ERCC8: variants seen among roughly 807,000 people sequenced by gnomAD.
The protein encoded by ERCC8 is ERCC excision repair 8, CSA ubiquitin ligase complex subunit.
ERCC8 carries 52 observed loss-of-function variants against 54.9 expected under a neutral mutation model. That is an observed-to-expected ratio of 0.95 (90% CI 0.76 to 1.19). The LOEUF (loss-of-function observed/expected upper bound fraction) is 1.19. Ranked by LOEUF, ERCC8 falls within the 50% of genes most tolerant of loss-of-function variation. The probability of loss-of-function intolerance (pLI) is 0.00; values close to 1 mark genes in which losing one functional copy is unlikely to be tolerated. For missense variants in ERCC8, 514 were observed against 466.1 expected (o/e 1.10, Z -0.95); for synonymous variants, 146 against 157.2 (o/e 0.93, Z 0.53).
intron 3 of ERCC8, among the ~76,000 whole-genome samples, 188 bp downstream of exon 3, chr5:60,921,864 CAT>C (rs996919051): frequency 6.6e-6 from 1 of 151,812 alleles, no homozygotes; most frequent in Non-Finnish European, 1.5e-5. Context: ...GGGGAAGACA[CAT>C]GTTAAAAAAC....
At chr5:60,893,766 T>C (rs544634685) in intron 9 of ERCC8, 5 of 335,556 alleles carry the variant, frequency 1.5e-5, no homozygotes, top group Admixed American at 4.4e-5. Context: ...GCGGGGCTTC[T>C]CCCTTCCCTT....
chr5:60,905,448 C>T (rs1351120260), intron 4 of ERCC8, among the ~76,000 whole-genome samples: 3 of 152,212 alleles, frequency 2.0e-5, no homozygotes, highest in Non-Finnish European at 2.9e-5. Context: ...CCAAGGTCAA[C>T]TGCCAATATC....
In ERCC8 at chr5:60,898,398, T is replaced by C. The variant is rs1748779388; in HGVS notation, c.721A>G (p.Asn241Asp). Residue 241 changes from asparagine to aspartate, a missense_variant and splice_region_variant, in exon 9 of 12, where the codon AAC (asparagine) becomes GAC (aspartate). Physicochemically the swap from Asn to Asp is conservative, Grantham distance 23. Transcript: ENST00000676185. ...GKKSQAVESA[N>D]TAHNGKVNGL... ...TTAACTTTCCCATTATGAGCAGTGT[T>C]TGCTGCAATGAAAAACATAGTTCAG... 1.2e-6 allele frequency: 2 copies of C among 1,613,448 alleles called. No individual in the cohort carries two copies. The highest frequency in any genetic ancestry group is 1.7e-6 in the Non-Finnish European group (2 of 1,179,540).
At chr5:60,878,489 T>A (rs1014217606) in intron 11 of ERCC8, among the ~76,000 whole-genome samples, 1 of 152,214 alleles carries the variant, frequency 6.6e-6, no homozygotes, top group Non-Finnish European at 1.5e-5. Context: ...CGGCTGTCAA[T>A]CCATCTGGTC....
At chr5:60,886,207 G>A (rs1748385644) in intron 11 of ERCC8, among the ~76,000 whole-genome samples, 1 of 151,818 alleles carries the variant, frequency 6.6e-6, no homozygotes, top group Admixed American at 6.6e-5. Flanking sequence ...TCTTCCTACT[G>A]CTTGATGTGA....
intron 11 of ERCC8, among the ~76,000 whole-genome samples, chr5:60,880,598 A>G (rs1445921362): frequency 3.3e-5 from 5 of 151,846 alleles, no homozygotes; most frequent in Non-Finnish European, 7.4e-5. Context: ...TTCTCTTCTC[A>G]CTTCATTTCA....
At chr5:60,891,125 T>C (rs776663724) in intron 9 of ERCC8, 39 bp from the exon 10 acceptor site, 1 of 1,370,974 alleles carries the variant, frequency 7.3e-7, no homozygotes, top group African/African-American at 1.4e-5. Context: ...ATCTCTGAAA[T>C]CTGAATTTAA....
chr5:60,935,697 C>T (rs1750043343), intron 1 of ERCC8, among the ~76,000 whole-genome samples: 1 of 152,030 alleles, frequency 6.6e-6, no homozygotes, highest in South Asian at 2.1e-4. Flanking sequence ...CTTTTATTAC[C>T]TTAAGGTATG....
chr5:60,891,624 T>G (rs565913220), intron 9 of ERCC8, among the ~76,000 whole-genome samples: 7 of 150,930 alleles, frequency 4.6e-5, no homozygotes, highest in East Asian at 1.9e-4. Context: ...TGGTATTTTT[T>G]GGGGAGGGGG....
intron 2 of ERCC8, among the ~76,000 whole-genome samples, chr5:60,926,269 T>C (rs2112528711): frequency 6.6e-6 from 1 of 152,322 alleles, no homozygotes; most frequent in East Asian, 1.9e-4. Context: ...GATAAGGAGC[T>C]TGTACCAGAA....
chr5:60,893,933 C>T (rs956283247), intron 9 of ERCC8, among the ~76,000 whole-genome samples: 4 of 151,886 alleles, frequency 2.6e-5, no homozygotes, highest in African/African-American at 7.3e-5. Context: ...ACCCATTAAA[C>T]AGCAAAGATA....
At chr5:60,895,577 G>A (rs1748701305) in intron 9 of ERCC8, among the ~76,000 whole-genome samples, 1 of 152,060 alleles carries the variant, frequency 6.6e-6, no homozygotes, top group Non-Finnish European at 1.5e-5. Flanking sequence ...GAAAGCACCT[G>A]GAACACAAAG....
In ERCC8 at chr5:60,935,051, C is replaced by A. The variant is rs537285965; in HGVS notation, c.78-6092G>T. On this transcript the variant is annotated intron_variant, in intron 1 of 11. Coordinates refer to ENST00000676185, the MANE Select transcript of ERCC8 (RefSeq NM_000082.4). Reference sequence around the variant, plus strand: ...TAGTCTTGTTTTGGCTATGCAGGCTCTTTTTTCCTAGTTCTGTGAAGAATG... The same window carrying A: ...TAGTCTTGTTTTGGCTATGCAGGCTATTTTTTCCTAGTTCTGTGAAGAATG... 7.9e-5 allele frequency among the ~76,000 whole-genome samples: 12 copies of A among 152,062 alleles called. 1 individual carries two copies. Among genetic ancestry groups the A allele is most frequent in the African/African-American group, 2.7e-4 (11 of 41,504 alleles).
chr5:60,938,005 A>G (rs1417165604), intron 1 of ERCC8, among the ~76,000 whole-genome samples: 1 of 142,930 alleles, frequency 7.0e-6, no homozygotes, highest in East Asian at 2.1e-4. Flanking sequence ...GTTAATATGT[A>G]TGCGTGTGTG....
chr5:60,898,205 A>G, intron 9 of ERCC8, 71 bp downstream of exon 9: 5 of 1,489,390 alleles, frequency 3.4e-6, no homozygotes, highest in Non-Finnish European at 4.6e-6. Flanking sequence ...TTAAATATAT[A>G]AAAAAATCAA....
At chr5:60,909,243 GAAAAAAAAAAAAAAAAAAAAAAA>G (rs60064294) in intron 4 of ERCC8, among the ~76,000 whole-genome samples, 3 of 19,932 alleles carry the variant, frequency 1.5e-4, no homozygotes, top group African/African-American at 5.1e-4. Flanking sequence ...GCCCTATTCT[GAAAAAAAAAAAAAAAAAAAAAAA>G]AAAAAAAAAA....
intron 11 of ERCC8, among the ~76,000 whole-genome samples, chr5:60,875,426 C>G (rs1422771304): frequency 3.3e-5 from 5 of 152,244 alleles, no homozygotes; most frequent in Non-Finnish European, 5.9e-5. Context: ...TGATTAGCAA[C>G]TACAGAAATT....
At chr5:60,884,249 G>A (rs551277340) in intron 11 of ERCC8, among the ~76,000 whole-genome samples, 29 of 152,196 alleles carry the variant, frequency 1.9e-4, no homozygotes, top group African/African-American at 6.3e-4. Context: ...GGAGGCCGAG[G>A]CGGGTGGATC....
intron 5 of ERCC8, among the ~76,000 whole-genome samples, 194 bp from the exon 6 acceptor site, chr5:60,903,910 TAA>T (rs1748977281): frequency 6.6e-6 from 1 of 152,112 alleles, no homozygotes. Context: ...ATTTTAGTAG[TAA>T]GAGACCTCTA....
Sources: allele counts gnomAD v4.1 joint callset (sites outside exome capture counted in the v4.1 genomes callset), GRCh38; gene constraint gnomAD v4.1.1; transcripts MANE v1.5; gene names NCBI Gene and HGNC (gene_info 2026-07-23, HGNC 2026-07-21).